KNDC1: variants seen among roughly 807,000 people sequenced by gnomAD.
The protein encoded by KNDC1 is kinase non-catalytic C-lobe domain-containing protein 1.
A neutral mutation model predicts 172.8 loss-of-function variants in KNDC1; 106 were observed. The ratio of observed to expected loss-of-function variants is 0.61; its 90% CI spans 0.52 to 0.72. The LOEUF is 0.72. KNDC1 is among the 30% of genes least tolerant of loss of function. The probability of loss-of-function intolerance (pLI) is 0.00; values close to 1 mark genes in which losing one functional copy is unlikely to be tolerated. For missense variants in KNDC1, 2,325 were observed against 2,394.5 expected, an observed-to-expected ratio of 0.97 and a Z score of 0.61; for synonymous variants, 1,083 against 1,062.2, an observed-to-expected ratio of 1.02 and a Z score of -0.38.
intron 3 of KNDC1, among the ~76,000 whole-genome samples, chr10:133,169,868 T>G (rs1430532900): frequency 3.3e-5 from 5 of 152,244 alleles, no homozygotes; most frequent in Non-Finnish European, 7.3e-5. Flanking sequence ...GGACATGACC[T>G]CAGCCCAGGC....
In KNDC1 at chr10:133,184,748, G is replaced by A. The variant is rs1025882698; in HGVS notation, c.625+759G>A. On this transcript the variant is annotated intron_variant, in intron 5 of 29. Transcript: ENST00000304613. ...CACCCACGCAGGCAGAGGTGACTCA[G>A]GCTCAGCTTCAGAAGTCTGTGGCAT... Among the ~76,000 whole-genome samples, 8 of 152,412 alleles carry A rather than the reference G, an allele frequency of 5.2e-5. No individual in the cohort carries two copies. The South Asian group carries it at 1.4e-3, about 28-fold the overall frequency.
chr10:133,188,493 C>T lies in KNDC1; in HGVS notation c.1327-46C>T, dbSNP rs182731575. On this transcript the variant is annotated intron_variant, in intron 6 of 29. Transcript: ENST00000304613. ...GACATGCCTCTCCAGGCGGCGGGCCCTGGCAAGGGGTGTCCACACTGACCT... is the reference window on the plus strand; with the variant it reads ...GACATGCCTCTCCAGGCGGCGGGCCTTGGCAAGGGGTGTCCACACTGACCT... 1.1e-3 allele frequency: 1,425 copies of T among 1,334,612 alleles called. 8 individuals are homozygous for T. In the African/African-American group the frequency reaches 0.019, roughly 18 times the overall value. The allele number at this position is 1,334,612 out of a possible 1,614,324, so 82.7% of individuals were successfully genotyped here. A position where few individuals can be genotyped will look rare whatever the true frequency, so the allele number is the denominator to read the frequency against.
At chr10:133,200,591 G>C (rs987395127) in intron 16 of KNDC1, 131 bp downstream of exon 16, 21 of 719,956 alleles carry the variant, frequency 2.9e-5, no homozygotes, top group African/African-American at 2.8e-4. Flanking sequence ...CCTTTGCCCC[G>C]GGGGTGCCCA....
intron 16 of KNDC1, among the ~76,000 whole-genome samples, chr10:133,201,005 A>G (rs1277556804): frequency 6.6e-6 from 1 of 152,158 alleles, no homozygotes; most frequent in Admixed American, 6.5e-5. Context: ...AGGCTTGGTG[A>G]CGGGCCCAGT....
chr10:133,220,082 C>G lies in KNDC1; in HGVS notation c.4988C>G (p.Thr1663Ser), dbSNP rs751073544. The G allele has an allele frequency of 1.9e-6, 3 of 1,566,514 alleles. No homozygotes were observed. The South Asian group carries it at 3.5e-5, about 18-fold the overall frequency. Reference sequence around the variant, plus strand: ...CTGGAGACAGGCGGCTTCACCATGACCAACGGGGCCCACAGGTGGAGCAAG... The same window carrying G: ...CTGGAGACAGGCGGCTTCACCATGAGCAACGGGGCCCACAGGTGGAGCAAG... ...QQLETGGFTM[T>S]NGAHRWSKLR... Residue 1663 changes from threonine to serine, a missense_variant, in exon 29 of 30, where the codon ACC (threonine) becomes AGC (serine). Physicochemically the swap from Thr to Ser is moderately conservative, Grantham distance 58. Transcript: ENST00000304613.
intron 3 of KNDC1, among the ~76,000 whole-genome samples, chr10:133,178,105 C>T (rs1260011146): frequency 2.1e-5 from 3 of 142,956 alleles, no homozygotes; most frequent in Non-Finnish European, 4.5e-5. Context: ...CAGTGTGTAG[C>T]GTGCATGTGT....
At chr10:133,179,857 C>T (rs1355160220) in intron 3 of KNDC1, among the ~76,000 whole-genome samples, 7 of 152,204 alleles carry the variant, frequency 4.6e-5, no homozygotes, top group Non-Finnish European at 7.3e-5. Flanking sequence ...CATGCCTGAT[C>T]GGCCTCCCTC....
chr10:133,177,987 G>T (rs1006074277), intron 3 of KNDC1, among the ~76,000 whole-genome samples: 3 of 150,072 alleles, frequency 2.0e-5, no homozygotes, highest in Admixed American at 6.6e-5. Flanking sequence ...TGTGTGTGCA[G>T]TGTGGTGTGC....
At chr10:133,187,927 G>T (rs2135981521) in intron 6 of KNDC1, among the ~76,000 whole-genome samples, 1 of 125,516 alleles carries the variant, frequency 8.0e-6, no homozygotes, top group African/African-American at 4.2e-5. Context: ...ACCTCCATGA[G>T]CCTGGCCCCT....
chr10:133,213,965 C>G lies in KNDC1; in HGVS notation c.4527-7C>G. On this transcript the variant is annotated splice_region_variant and splice_polypyrimidine_tract_variant and intron_variant, in intron 25 of 29. Transcript: ENST00000304613. ...TGGGGGTGACAGGGACCATATTTCT[C>G]TTCCAGAGCCAGCTCTTCTGAGTCT... is the stretch of plus-strand genomic sequence containing the variant. 1 of 1,614,082 alleles carries G rather than the reference C, an allele frequency of 6.2e-7. No individual in the cohort carries two copies. The highest frequency in any genetic ancestry group is 1.1e-5 in the South Asian group (1 of 91,080).
intron 26 of KNDC1, among the ~76,000 whole-genome samples, chr10:133,216,497 C>T (rs1004719845): frequency 9.2e-5 from 14 of 151,844 alleles, no homozygotes; most frequent in Non-Finnish European, 1.8e-4. Context: ...GACAACATAT[C>T]GAAACCCCGT....
At chr10:133,218,117 C>T (rs1327074979) in intron 26 of KNDC1, among the ~76,000 whole-genome samples, 4 of 152,100 alleles carry the variant, frequency 2.6e-5, no homozygotes, top group African/African-American at 9.7e-5. Flanking sequence ...ACTCTGCAGC[C>T]TTGGTTTCCA....
chr10:133,188,276 T>C (rs1853976750), intron 6 of KNDC1, among the ~76,000 whole-genome samples: 1 of 152,146 alleles, frequency 6.6e-6, no homozygotes, highest in Non-Finnish European at 1.5e-5. Context: ...ATGTTGAGCT[T>C]TTCAAGGAAC....
At chr10:133,210,462 C>T (rs959874278) in intron 20 of KNDC1, 149 bp from the exon 21 acceptor site, 1 of 566,754 alleles carries the variant, frequency 1.8e-6, no homozygotes, top group African/African-American at 1.9e-5. Context: ...TTATCCATGT[C>T]CCCCCTTTAA....
intron 28 of KNDC1, among the ~76,000 whole-genome samples, chr10:133,219,629 G>A (rs761487665): frequency 1.3e-5 from 2 of 152,170 alleles, no homozygotes; most frequent in Non-Finnish European, 2.9e-5. Flanking sequence ...GGTCAGCCGG[G>A]GTCTCATTTA....
intron 5 of KNDC1, among the ~76,000 whole-genome samples, chr10:133,184,256 ACG>A (rs1853819964): frequency 7.2e-6 from 1 of 139,770 alleles, no homozygotes; most frequent in Admixed American, 7.2e-5. Context: ...CTGCACACAC[ACG>A]TTACACACAC....
chr10:133,202,282 A>G (rs1012165199), intron 17 of KNDC1: 2 of 520,504 alleles, frequency 3.8e-6, no homozygotes, highest in Non-Finnish European at 7.4e-6. Flanking sequence ...TCTGCAGTGA[A>G]AGAAAACACC....
At position 133,199,507 on chromosome 10, in the gene KNDC1, C is replaced by T. The variant is rs765662626; in HGVS notation, c.2808C>T (p.Gly936=). ...ATCTCACCTTTGCCACTTTCTGTGG[C>T]GCCATTTCCGAGAAGTTCTGTGACC... ...LKDLTFATFC[G]AISEKFCDLY... Residue 936 remains glycine, a synonymous_variant, in exon 15 of 30, where the codon GGC becomes GGT. Transcript: ENST00000304613. The T allele has an allele frequency of 9.3e-6, 15 of 1,613,794 alleles. No homozygotes were observed. In the Admixed American group the frequency reaches 1.2e-4, roughly 13 times the overall value.
intron 15 of KNDC1, among the ~76,000 whole-genome samples, chr10:133,200,138 C>T (rs555931244): frequency 1.3e-5 from 2 of 152,192 alleles, no homozygotes; most frequent in Non-Finnish European, 2.9e-5. Context: ...CAGCCCCGGC[C>T]TCCTCGGCCC....
Sources: gnomAD v4.1 joint callset for allele counts (sites outside exome capture counted in the v4.1 genomes callset) on GRCh38, gnomAD v4.1.1 for gene constraint, MANE v1.5 for transcripts, NCBI Gene and HGNC (gene_info 2026-07-23, HGNC 2026-07-21) for gene names.